Variants in KIDINS220 observed in about 807,000 individuals in gnomAD.
KIDINS220 encodes the protein kinase D-interacting substrate of 220 kDa.
Under a neutral mutation model 157.6 loss-of-function variants are expected in KIDINS220, and 63 were observed. The observed-to-expected ratio is 0.40, with a 90% confidence interval of 0.33 to 0.49. The LOEUF (loss-of-function observed/expected upper bound fraction) is 0.49, where lower values mean the gene tolerates loss of function less well. KIDINS220 is among the 20% of genes least tolerant of loss of function. KIDINS220 has a pLI of 0.66. For synonymous variants in KIDINS220, 732 were observed against 783.6 expected, an observed-to-expected ratio of 0.93 and a Z score of 1.10; for missense variants, 1,772 against 2,171.2, an observed-to-expected ratio of 0.82 and a Z score of 3.65.
chr2:8,759,480 G>A lies in KIDINS220; in HGVS notation c.3012-7836C>T, dbSNP rs370569451. 2.7e-4 allele frequency among the ~76,000 whole-genome samples: 41 copies of A among 150,966 alleles called. No individual in the cohort carries two copies. In the South Asian group the frequency reaches 5.8e-3, roughly 21 times the overall value. On this transcript the variant is annotated intron_variant, in intron 22 of 29. Transcript: ENST00000256707. ...TTATATGAAGGAAGGAAACTTGTAC[G>A]CATGTAATTTAAAGGATTAAAAAAA...
At chr2:8,749,928 G>A (rs570271896) in intron 24 of KIDINS220, among the ~76,000 whole-genome samples, 184 bp downstream of exon 24, 1 of 152,110 alleles carries the variant, frequency 6.6e-6, no homozygotes, top group Admixed American at 6.5e-5. Context: ...TTGAGACCTA[G>A]AACACATTAA....
At chr2:8,736,788 C>G in intron 27 of KIDINS220, 80 bp downstream of exon 27, 1 of 1,455,468 alleles carries the variant, frequency 6.9e-7, no homozygotes, top group Non-Finnish European at 9.3e-7. Context: ...GGAAGCTATA[C>G]ATAAAGTTTA....
chr2:8,820,024 C>A (rs919854624), intron 2 of KIDINS220, among the ~76,000 whole-genome samples: 3 of 152,124 alleles, frequency 2.0e-5, no homozygotes, highest in African/African-American at 4.8e-5. Context: ...TAAATGCCCA[C>A]CTGACATTAT....
chr2:8,793,902 C>G lies in KIDINS220; in HGVS notation c.1184G>C (p.Arg395Pro), dbSNP rs1477655273. 6.2e-7 allele frequency: 1 copy of G among 1,613,856 alleles called. No individual in the cohort carries two copies. The highest frequency in any genetic ancestry group is 8.5e-7 in the Non-Finnish European group (1 of 1,179,936). The change falls in exon 12 of 30, where the codon CGA becomes CCA. Residue 395 changes from arginine to proline, a missense_variant. By Grantham distance (103) the Arg-to-Pro change is moderately radical (BLOSUM62 -2). Transcript: ENST00000256707. ...TGCTTTGTTGGGCCTATAAAGTAAT[C>G]GCCCATCTTTGGGATTTCTTAAAAG... is the stretch of plus-strand genomic sequence containing the variant. The part of the protein sequence containing the change: ...ELLLRNPKDG[R>P]LLYRPNKAGE...
At chr2:8,828,458 CATAACT>C (rs769050944) in intron 1 of KIDINS220, among the ~76,000 whole-genome samples, 15 of 152,306 alleles carry the variant, frequency 9.8e-5, no homozygotes, top group Middle Eastern at 3.4e-3. Flanking sequence ...GTCTGTCTAC[CATAACT>C]ATAAGTTCTA....
chr2:8,794,631 C>T (rs758837121), intron 11 of KIDINS220, among the ~76,000 whole-genome samples: 6 of 152,160 alleles, frequency 3.9e-5, no homozygotes, highest in East Asian at 1.9e-4. Context: ...ATCAACCCAC[C>T]TTCTCTCCTT....
intron 2 of KIDINS220, among the ~76,000 whole-genome samples, chr2:8,821,286 TAG>T (rs1677918728): frequency 2.0e-5 from 3 of 152,022 alleles, no homozygotes; most frequent in Admixed American, 2.0e-4. Context: ...CAGAAACTAT[TAG>T]CTGTCCACCC....
intron 12 of KIDINS220, 49 bp downstream of exon 12, chr2:8,793,761 G>A (rs1463104132): frequency 6.7e-7 from 1 of 1,491,552 alleles, no homozygotes; most frequent in Non-Finnish European, 9.0e-7. Context: ...TTCTTTAATG[G>A]AACATTGATT....
At chr2:8,766,524 TCTGA>T (rs1669522282) in intron 22 of KIDINS220, among the ~76,000 whole-genome samples, 2 of 152,196 alleles carry the variant, frequency 1.3e-5, no homozygotes, top group African/African-American at 4.8e-5. Context: ...CCCATCACTC[TCTGA>T]CAGACTGCAA....
At chr2:8,810,760 T>C (rs1157366208) in intron 6 of KIDINS220, among the ~76,000 whole-genome samples, 1 of 151,842 alleles carries the variant, frequency 6.6e-6, no homozygotes, top group Non-Finnish European at 1.5e-5. Context: ...CACTCCAGCC[T>C]AGGTGACAGA....
intron 3 of KIDINS220, among the ~76,000 whole-genome samples, chr2:8,818,443 T>C (rs1283293682): frequency 1.3e-5 from 2 of 152,282 alleles, no homozygotes; most frequent in East Asian, 3.9e-4. Flanking sequence ...GGTAGATATT[T>C]AACTATATGT....
chr2:8,738,077 C>CA (rs1373268664), intron 26 of KIDINS220, among the ~76,000 whole-genome samples: 27 of 151,656 alleles, frequency 1.8e-4, no homozygotes, highest in Non-Finnish European at 2.6e-4. Context: ...TTTTGTTGTT[C>CA]AAAAAAATCA....
At position 8,800,499 on chromosome 2, in the gene KIDINS220, C is replaced by CT; in HGVS notation, c.802-2dup. 6.3e-7 allele frequency: 1 copy of CT among 1,594,104 alleles called. No homozygotes were observed. Among genetic ancestry groups the CT allele is most frequent in the South Asian group, 1.1e-5 (1 of 87,574 alleles). On this transcript the variant is annotated splice_acceptor_variant, in intron 8 of 29. Transcript: ENST00000256707. LOFTEE classifies it high-confidence loss of function. Reference sequence around the variant, plus strand: ...CGCCAATCAACACAGTATCCCCACTCTAAGAAGACAGAAAATAAAAACAAA... The same window carrying CT: ...CGCCAATCAACACAGTATCCCCACTCTTAAGAAGACAGAAAATAAAAACAAA...
At chr2:8,834,997 C>A (rs926596941) in intron 1 of KIDINS220, among the ~76,000 whole-genome samples, 4 of 152,116 alleles carry the variant, frequency 2.6e-5, no homozygotes, top group Non-Finnish European at 5.9e-5. Flanking sequence ...TGCATGCCAA[C>A]ACACCCAGAT....
At chr2:8,816,795 A>C (rs903465495) in intron 4 of KIDINS220, among the ~76,000 whole-genome samples, 2 of 152,144 alleles carry the variant, frequency 1.3e-5, no homozygotes, top group Admixed American at 1.3e-4. Flanking sequence ...TATGTAAGAT[A>C]CCAGTGGTTC....
intron 4 of KIDINS220, among the ~76,000 whole-genome samples, chr2:8,814,905 C>T (rs1445956644): frequency 6.6e-6 from 1 of 152,112 alleles, no homozygotes; most frequent in African/African-American, 2.4e-5. Flanking sequence ...TGCAACTGAA[C>T]ACGAGAAACA....
intron 3 of KIDINS220, 45 bp downstream of exon 3, chr2:8,818,650 A>C (rs1370449094): frequency 8.5e-7 from 1 of 1,173,548 alleles, no homozygotes; most frequent in Non-Finnish European, 1.2e-6. Context: ...AAAAATAGCT[A>C]AGAAAAAAGT....
At chr2:8,750,906 A>G (rs1488349996) in intron 23 of KIDINS220, among the ~76,000 whole-genome samples, 2 of 152,140 alleles carry the variant, frequency 1.3e-5, no homozygotes, top group Admixed American at 1.3e-4. Context: ...ATGTCATACA[A>G]AAGACTGTTT....
intron 15 of KIDINS220, 33 bp from the exon 16 acceptor site, chr2:8,786,390 A>AGATAATAAAGTAATGT: frequency 1.9e-6 from 3 of 1,558,076 alleles, no homozygotes; most frequent in Non-Finnish European, 1.8e-6. Context: ...ACATTACTTT[A>AGATAATAAAGTAATGT]TTATCTAAAG....
Sources: allele counts gnomAD v4.1 joint callset (sites outside exome capture counted in the v4.1 genomes callset), GRCh38; gene constraint gnomAD v4.1.1; transcripts MANE v1.5; gene names NCBI Gene and HGNC (gene_info 2026-07-23, HGNC 2026-07-21).